Variants in FXYD6 observed in about 807,000 individuals in gnomAD.
FXYD6 encodes FXYD domain containing ion transport regulator 6, also known as FXYD domain-containing ion transport regulator 6.
In FXYD6, 7 loss-of-function variants were observed where a neutral mutation model predicts 16.7. That is an observed-to-expected ratio of 0.42 (90% CI 0.24 to 0.79). The LOEUF (loss-of-function observed/expected upper bound fraction) is 0.79. Among genes scored for constraint, FXYD6 ranks in the 30% least tolerant of loss-of-function variants. FXYD6 has a pLI of 0.28. For synonymous variants in FXYD6, 49 were observed against 43.0 expected, an observed-to-expected ratio of 1.14 and a Z score of -0.54; for missense variants, 111 against 116.2, an observed-to-expected ratio of 0.95 and a Z score of 0.21.
chr11:117,839,716 CCT>C, intron 7 of FXYD6, 63 bp downstream of exon 7: 2 of 1,593,524 alleles, frequency 1.3e-6, no homozygotes, highest in Non-Finnish European at 1.7e-6. Flanking sequence ...CGCCTGAACC[CCT>C]GTCCAGGCCC....
intron 1 of FXYD6, among the ~76,000 whole-genome samples, chr11:117,873,523 A>G (rs2057184719): frequency 6.6e-6 from 1 of 152,232 alleles, no homozygotes; most frequent in African/African-American, 2.4e-5. Flanking sequence ...ACGGAAGCTC[A>G]GGGGGAGAGC....
chr11:117,858,703 C>CTTTTTCTT (rs72107481), intron 1 of FXYD6, among the ~76,000 whole-genome samples: 1 of 95,370 alleles, frequency 1.0e-5, no homozygotes. Flanking sequence ...TTCTTTCTTT[C>CTTTTTCTT]TCTCTCTCTC....
chr11:117,859,964 C>G (rs532955682), intron 1 of FXYD6, among the ~76,000 whole-genome samples: 5 of 152,190 alleles, frequency 3.3e-5, no homozygotes, highest in Non-Finnish European at 7.3e-5. Flanking sequence ...ATTCTCATCA[C>G]CTGCTTGCTC....
At chr11:117,840,647 C>A (rs74331448) in intron 5 of FXYD6, among the ~76,000 whole-genome samples, 2 of 152,160 alleles carry the variant, frequency 1.3e-5, no homozygotes, top group African/African-American at 2.4e-5. Context: ...CTGCCACACG[C>A]TTTGGACTTC....
intron 1 of FXYD6, among the ~76,000 whole-genome samples, chr11:117,866,241 T>G (rs539894605): frequency 6.6e-6 from 1 of 152,160 alleles, no homozygotes; most frequent in Non-Finnish European, 1.5e-5. Context: ...CACAACAATA[T>G]GGATATACTT....
At chr11:117,849,218 A>G (rs558832306) in intron 1 of FXYD6, among the ~76,000 whole-genome samples, 19 of 152,368 alleles carry the variant, frequency 1.2e-4, no homozygotes, top group African/African-American at 4.1e-4. Flanking sequence ...TTTAGTTCTC[A>G]GTATACTTTA....
At chr11:117,876,446 C>G (rs1040353323) in intron 1 of FXYD6, 146 bp downstream of exon 1, 1 of 152,658 alleles carries the variant, frequency 6.6e-6, no homozygotes, top group Non-Finnish European at 1.5e-5. Context: ...AGGCGGGGAC[C>G]GCGGCGCAGC....
At chr11:117,854,618 C>T (rs500787) in intron 1 of FXYD6, among the ~76,000 whole-genome samples, 58,004 of 152,110 alleles carry the variant, frequency 0.38, 11,695 homozygotes, top group Non-Finnish European at 0.46. Context: ...GCAAATATGA[C>T]GAGAACTTCC....
In FXYD6 at chr11:117,837,910, G is replaced by A. The variant is rs520333; in HGVS notation, c.*389C>T. 0.29 allele frequency: 115,639 copies of A among 392,060 alleles called. 19,377 individuals carry two copies. The highest frequency in any genetic ancestry group is 0.35 in the Non-Finnish European group (73,403 of 212,538). 24.3% of individuals were successfully genotyped at this position (392,060 alleles called of 1,614,324 possible). On this transcript the variant is annotated 3_prime_UTR_variant, in exon 8 of 8. Transcript: ENST00000526014. This position sits in a 1 kb window ranked among gnomAD's most constrained non-coding sequence, Gnocchi z 4.4. ...GGAGCAGAAGGTGATGGAGGGCCAC[G>A]GGGGCAGGGAGGAGCAGATGGCCAT...
intron 7 of FXYD6, 80 bp downstream of exon 7, chr11:117,839,701 C>A (rs2036928897): frequency 6.4e-7 from 1 of 1,568,388 alleles, no homozygotes; most frequent in African/African-American, 1.4e-5. Context: ...TAGCCCCATC[C>A]TTCCCGCCTG....
At position 117,838,380 on chromosome 11, in the gene FXYD6, A is replaced by G. The variant is rs146145523; in HGVS notation, c.*22-103T>C. 459 of 693,550 alleles carry G rather than the reference A, an allele frequency of 6.6e-4. 3 individuals are homozygous for G. The highest frequency in any genetic ancestry group is 3.0e-3 in the Middle Eastern group (13 of 4,298). The allele number at this position is 693,550 out of a possible 1,614,324, so 43.0% of individuals were successfully genotyped here. Reference sequence around the variant, plus strand: ...GCACCTGCCCACTGAAATTCCCGGTATGACAGCCTCGTCTGAGACGCAGAG... The same window carrying G: ...GCACCTGCCCACTGAAATTCCCGGTGTGACAGCCTCGTCTGAGACGCAGAG... On this transcript the variant is annotated intron_variant, in intron 7 of 7. Coordinates refer to ENST00000526014, the MANE Select transcript of FXYD6 (RefSeq NM_022003.4).
At position 117,871,866 on chromosome 11, in the gene FXYD6, G is replaced by T. The variant is rs1225301428; in HGVS notation, c.-6+4726C>A. ...AGAATGCAGTTTAGAATCCAAGTTT[G>T]TGTGTCTACAAAGACTGCCACCCTC... On this transcript the variant is annotated intron_variant, in intron 1 of 7. Coordinates refer to ENST00000526014, the MANE Select transcript of FXYD6 (RefSeq NM_022003.4). 2.0e-5 allele frequency among the ~76,000 whole-genome samples: 3 copies of T among 152,288 alleles called. No individual in the cohort carries two copies. In the East Asian group the frequency reaches 5.8e-4, roughly 29 times the overall value.
At chr11:117,867,587 G>A (rs1591591960) in intron 1 of FXYD6, among the ~76,000 whole-genome samples, 1 of 151,994 alleles carries the variant, frequency 6.6e-6, no homozygotes, top group African/African-American at 2.4e-5. Flanking sequence ...GTGCCTCTAC[G>A]TCCTATTTAG....
intron 1 of FXYD6, among the ~76,000 whole-genome samples, chr11:117,854,546 A>G (rs2056681466): frequency 6.6e-6 from 1 of 152,250 alleles, no homozygotes; most frequent in Non-Finnish European, 1.5e-5. Context: ...GTAGGTGAAC[A>G]AGATACAGCC....
At chr11:117,864,110 A>T (rs1156631298) in intron 1 of FXYD6, among the ~76,000 whole-genome samples, 3 of 152,236 alleles carry the variant, frequency 2.0e-5, no homozygotes, top group Non-Finnish European at 1.5e-5. Context: ...GCTAAAATTC[A>T]TATGGAATCT....
At chr11:117,841,388 C>T (rs1243405412) in intron 4 of FXYD6, among the ~76,000 whole-genome samples, 1 of 152,100 alleles carries the variant, frequency 6.6e-6, no homozygotes, top group Non-Finnish European at 1.5e-5. Context: ...AATGGCTACA[C>T]CCCCACAGCC....
chr11:117,844,677 G>A (rs1042004373), intron 1 of FXYD6, among the ~76,000 whole-genome samples: 4 of 152,026 alleles, frequency 2.6e-5, no homozygotes, highest in Non-Finnish European at 5.9e-5. Context: ...TGTATTTTTA[G>A]TAGAGACAGG....
At chr11:117,847,340 A>AT (rs201066325) in intron 1 of FXYD6, among the ~76,000 whole-genome samples, 7,124 of 150,594 alleles carry the variant, frequency 0.047, 474 homozygotes, top group African/African-American at 0.15. Context: ...GTTTATTTCT[A>AT]TTTTTTTTTA....
rs1191896599 is a variant in FXYD6, at chr11:117,872,882, G to A, written c.-6+3710C>T. ...AGATGTCCTGCCTCTCATCAGGGAC[G>A]GTGTCAGAGCACTGTGTTCCCGACC... On this transcript the variant is annotated intron_variant, in intron 1 of 7. Transcript: ENST00000526014. This position sits in a 1 kb window ranked among gnomAD's most constrained non-coding sequence, Gnocchi z 4.9. 2.0e-5 allele frequency among the ~76,000 whole-genome samples: 3 copies of A among 152,254 alleles called. No individual in the cohort carries two copies. The highest frequency in any genetic ancestry group is 2.1e-4 in the South Asian group (1 of 4,820).
Sources: gnomAD v4.1 joint callset for allele counts (sites outside exome capture counted in the v4.1 genomes callset) on GRCh38, gnomAD v4.1.1 for gene constraint, Gnocchi (gnomAD v3.1) non-coding constraint, MANE v1.5 for transcripts, NCBI Gene and HGNC (gene_info 2026-07-23, HGNC 2026-07-21) for gene names.